SNX2: variants seen among roughly 807,000 people sequenced by gnomAD.
SNX2 encodes the protein sorting nexin 2.
SNX2 carries 25 observed loss-of-function variants against 69.9 expected under a neutral mutation model. That is an observed-to-expected ratio of 0.36 (90% CI 0.26 to 0.50). The LOEUF (loss-of-function observed/expected upper bound fraction) is 0.50. Ranked by LOEUF, SNX2 falls within the 20% of genes least tolerant of loss-of-function variation. SNX2 has a pLI of 0.97. For missense variants in SNX2, 551 were observed against 613.3 expected (o/e 0.90, Z 1.07); for synonymous variants, 229 against 200.4 (o/e 1.14, Z -1.20).
rs748639812 is a variant in SNX2 at position 122,817,303 on chromosome 5, A to G, written c.936A>G (p.Gln312=). The G allele has an allele frequency of 3.6e-5, 58 of 1,613,852 alleles. No homozygotes were observed. The highest frequency in any genetic ancestry group is 4.6e-5 in the Non-Finnish European group (54 of 1,179,908). ...SDAWFEEKQQ[Q]FENLDQQLRK... Reference sequence around the variant, plus strand: ...AGTGGTTTGAAGAAAAGCAGCAGCAATTTGAGAATCTGGATCAGCAACTTA... The same window carrying G: ...AGTGGTTTGAAGAAAAGCAGCAGCAGTTTGAGAATCTGGATCAGCAACTTA... The change falls in exon 10 of 15, where the codon CAA becomes CAG. Residue 312 remains glutamine, a synonymous_variant. Coordinates refer to ENST00000379516, the MANE Select transcript of SNX2 (RefSeq NM_003100.4).
At chr5:122,789,474 GAC>G (rs60199625) in intron 1 of SNX2, among the ~76,000 whole-genome samples, 7,481 of 144,582 alleles carry the variant, frequency 0.052, 222 homozygotes, top group African/African-American at 0.072. Flanking sequence ...GACACACACG[GAC>G]ACACACACAC....
At chr5:122,817,602 C>T (rs952479365) in intron 10 of SNX2, among the ~76,000 whole-genome samples, 6 of 151,680 alleles carry the variant, frequency 4.0e-5, no homozygotes, top group Non-Finnish European at 7.4e-5. Flanking sequence ...TATTTGTTAA[C>T]TGGTACAGAT....
At position 122,801,905 on chromosome 5, in the gene SNX2, G is replaced by A; in HGVS notation, c.427G>A (p.Glu143Lys). The A allele has an allele frequency of 6.2e-7, 1 of 1,602,792 alleles. No homozygotes were observed. Among genetic ancestry groups the A allele is most frequent in the Non-Finnish European group, 8.5e-7 (1 of 1,172,030 alleles). Residue 143 changes from glutamate to lysine, a missense_variant, in exon 4 of 15, where the codon GAA becomes AAA. Around this residue, in one of 2 missense-constraint regions of SNX2, gnomAD observed 360 missense variants for 450.4 expected, o/e 0.80. Transcript: ENST00000379516. Reference sequence around the variant, plus strand: ...AGCAAATGGAGACATTTTTGACATAGAAATTGGTGTATCAGATCCAGAAAA... The same window carrying A: ...AGCAAATGGAGACATTTTTGACATAAAAATTGGTGTATCAGATCCAGAAAA... ...EEANGDIFDIEIGVSDPEKVG... is the reference protein window; with the variant it reads ...EEANGDIFDIKIGVSDPEKVG...
intron 11 of SNX2, among the ~76,000 whole-genome samples, chr5:122,820,334 A>C (rs1429814171): frequency 6.6e-6 from 1 of 152,060 alleles, no homozygotes; most frequent in South Asian, 2.1e-4. Context: ...TCAGGAGATC[A>C]AGACCATCCT....
At chr5:122,799,571 G>C in intron 2 of SNX2, 121 bp from the exon 3 acceptor site, 2 of 569,968 alleles carry the variant, frequency 3.5e-6, no homozygotes, top group Non-Finnish European at 5.8e-6. Flanking sequence ...ATTTTTAAAT[G>C]ACATTATTTT....
At chr5:122,806,111 T>TGC (rs1454021120) in intron 6 of SNX2, among the ~76,000 whole-genome samples, 34 of 64,608 alleles carry the variant, frequency 5.3e-4, no homozygotes, top group African/African-American at 1.4e-3. Context: ...TGTGTGTGTG[T>TGC]GCGTGTGTGT....
rs147977984 is a variant in SNX2 at position 122,803,525 on chromosome 5, C to T, written c.555C>T (p.Ser185=). Residue 185 remains serine, a synonymous_variant, in exon 6 of 15, where the codon AGC becomes AGT. Transcript: ENST00000379516. ...AATTTTCAGTGAAAAGAAGATTCAG[C>T]GACTTTCTTGGTTTGCACAGCAAAT... ...KSEFSVKRRF[S]DFLGLHSKLA... is the part of the protein sequence containing the mutation. 1.7e-4 allele frequency: 268 copies of T among 1,612,328 alleles called. No homozygotes were observed. The African/African-American group carries it at 2.5e-3, about 15-fold the overall frequency.
chr5:122,791,778 A>G lies in SNX2; in HGVS notation c.109-3488A>G, dbSNP rs943428956. On this transcript the variant is annotated intron_variant, in intron 1 of 14. Transcript: ENST00000379516. ...AAACTTGTGGTTAATTCTTTGACAT[A>G]TCCATCATTATTTTCTTAAAACTCA... Among the ~76,000 whole-genome samples the G allele has an allele frequency of 2.0e-5, 3 of 152,230 alleles. No homozygotes were observed. The East Asian group carries it at 5.8e-4, about 29-fold the overall frequency.
Position 122,818,987 on chromosome 5 carries a change from A to G in SNX2, c.1176A>G (p.Leu392=). The change falls in exon 11 of 15, where the codon CTA becomes CTG. Residue 392 remains leucine, a synonymous_variant. Transcript: ENST00000379516. ...AFADFYMFSE[L]LSDYIRLIAA... is the part of the protein sequence containing the mutation. Reference sequence around the variant, plus strand: ...CTGACTTTTATATGTTTTCAGAACTACTTAGTGACTACATTCGTCTTATTG... The same window carrying G: ...CTGACTTTTATATGTTTTCAGAACTGCTTAGTGACTACATTCGTCTTATTG... 1.9e-6 allele frequency: 3 copies of G among 1,613,832 alleles called. No homozygotes were observed. Among genetic ancestry groups the G allele is most frequent in the Non-Finnish European group, 1.7e-6 (2 of 1,179,818 alleles).
At chr5:122,792,450 A>C in intron 1 of SNX2, among the ~76,000 whole-genome samples, 1 of 152,134 alleles carries the variant, frequency 6.6e-6, no homozygotes, top group East Asian at 1.9e-4. Context: ...AAAAAAAATT[A>C]GCTGGGTGTG....
At chr5:122,776,424 A>G (rs914803008) in intron 1 of SNX2, among the ~76,000 whole-genome samples, 4 of 152,062 alleles carry the variant, frequency 2.6e-5, no homozygotes, top group Non-Finnish European at 4.4e-5. Context: ...AATCTTGAAC[A>G]TGTGTATTTA....
rs568272697 is a variant in SNX2, at chr5:122,783,969, G to A, written c.108+8758G>A. ...TAATGTTTGTAGCTTTCAGCATACA[G>A]ATCTAGCACATATTTTGTTATGTGC... On this transcript the variant is annotated intron_variant, in intron 1 of 14. Transcript: ENST00000379516. 1.6e-4 allele frequency among the ~76,000 whole-genome samples: 25 copies of A among 151,926 alleles called. No individual in the cohort carries two copies. In the South Asian group the frequency reaches 5.2e-3, roughly 32 times the overall value.
intron 1 of SNX2, among the ~76,000 whole-genome samples, chr5:122,784,614 A>G (rs1158168713): frequency 6.6e-6 from 1 of 151,798 alleles, no homozygotes; most frequent in Non-Finnish European, 1.5e-5. Context: ...ATCATAATGT[A>G]TTTATCCTTT....
intron 1 of SNX2, chr5:122,775,528 A>G (rs1215854951): frequency 1.9e-6 from 2 of 1,045,406 alleles, no homozygotes; most frequent in East Asian, 7.2e-5. Flanking sequence ...CTCCTCTTCA[A>G]GCCGGAGAAG....
intron 6 of SNX2, among the ~76,000 whole-genome samples, chr5:122,804,761 T>C (rs1753595982): frequency 6.6e-6 from 1 of 152,180 alleles, no homozygotes; most frequent in Non-Finnish European, 1.5e-5. Context: ...TTAAAAGACA[T>C]CTGTCATCTC....
intron 1 of SNX2, among the ~76,000 whole-genome samples, chr5:122,782,367 T>A (rs1309515619): frequency 6.6e-6 from 1 of 151,930 alleles, no homozygotes; most frequent in African/African-American, 2.4e-5. Context: ...GCCTCCTGAA[T>A]AGCTGGGATT....
intron 6 of SNX2, among the ~76,000 whole-genome samples, chr5:122,804,644 C>T (rs1025486004): frequency 4.6e-5 from 7 of 152,008 alleles, no homozygotes; most frequent in Non-Finnish European, 8.8e-5. Context: ...TGGGATTAGA[C>T]GTGAGCCACT....
intron 1 of SNX2, among the ~76,000 whole-genome samples, chr5:122,794,034 A>G (rs1753312120): frequency 6.6e-6 from 1 of 151,788 alleles, no homozygotes; most frequent in South Asian, 2.1e-4. Context: ...TTAAAGAAGT[A>G]CAAGAGTGGC....
rs576648666 is a variant in SNX2 at position 122,831,729 on chromosome 5, T to C, written c.*2081T>C. On this transcript the variant is annotated 3_prime_UTR_variant, in exon 15 of 15. Transcript: ENST00000379516. ...TGTCCTAGTGTTATATCCACAGGTA[T>C]ATTACTTAACAAAGGTATAGTTTAC... Among the ~76,000 whole-genome samples the C allele has an allele frequency of 2.2e-4, 34 of 152,334 alleles. No homozygotes were observed. The East Asian group carries it at 6.4e-3, about 28-fold the overall frequency.
Sources: allele counts gnomAD v4.1 joint callset (sites outside exome capture counted in the v4.1 genomes callset), GRCh38; gene constraint gnomAD v4.1.1; regional missense constraint gnomAD v4.1.1; transcripts MANE v1.5; gene names NCBI Gene and HGNC (gene_info 2026-07-23, HGNC 2026-07-21).